Variants in CSMD1 observed in about 807,000 individuals in gnomAD.
The protein encoded by CSMD1 is CUB and Sushi multiple domains 1.
Under a neutral mutation model 417.5 loss-of-function variants are expected in CSMD1, and 213 were observed. The observed-to-expected ratio is 0.51, with a 90% CI of 0.46 to 0.57. The LOEUF (loss-of-function observed/expected upper bound fraction) is 0.57, where lower values mean the gene tolerates loss of function less well. Among genes scored for constraint, CSMD1 ranks in the 20% least tolerant of loss-of-function variants. CSMD1 has a pLI of 0.00. For missense variants in CSMD1, 6,923 were observed against 4,529.7 expected (o/e 1.53, Z -15.17); for synonymous variants, 2,862 against 1,736.8 (o/e 1.65, Z -16.11).
intron 49 of CSMD1, among the ~76,000 whole-genome samples, chr8:3,080,088 G>T (rs1813975701): frequency 6.6e-6 from 1 of 152,106 alleles, no homozygotes; most frequent in Non-Finnish European, 1.5e-5. Flanking sequence ...ATAAACAATA[G>T]ACAAACTCCA....
intron 1 of CSMD1, among the ~76,000 whole-genome samples, chr8:4,804,308 A>C (rs1798467888): frequency 6.6e-6 from 1 of 152,224 alleles, no homozygotes; most frequent in Non-Finnish European, 1.5e-5. Flanking sequence ...AGCAATTAAT[A>C]ATTGAAAAAC....
At chr8:3,568,565 C>A (rs1165151071) in intron 10 of CSMD1, among the ~76,000 whole-genome samples, 1 of 152,028 alleles carries the variant, frequency 6.6e-6, no homozygotes, top group South Asian at 2.1e-4. Flanking sequence ...AATTATGTCA[C>A]CACAGAATGT....
At chr8:4,129,429 G>A (rs1585378699) in intron 3 of CSMD1, among the ~76,000 whole-genome samples, 1 of 152,078 alleles carries the variant, frequency 6.6e-6, no homozygotes, top group Non-Finnish European at 1.5e-5. Context: ...TCCTCTTTTA[G>A]GTAGATGTAC....
chr8:4,200,414 A>T (rs1458283311), intron 3 of CSMD1, among the ~76,000 whole-genome samples: 2 of 152,218 alleles, frequency 1.3e-5, no homozygotes, highest in African/African-American at 4.8e-5. Context: ...TGAAAATTTG[A>T]TTTAAAAGAA....
intron 5 of CSMD1, among the ~76,000 whole-genome samples, chr8:3,762,955 C>T (rs1375213994): frequency 2.0e-5 from 3 of 152,172 alleles, no homozygotes; most frequent in African/African-American, 4.8e-5. Flanking sequence ...TGCTCATCCC[C>T]CAACTCTCTT....
intron 23 of CSMD1, among the ~76,000 whole-genome samples, chr8:3,337,163 C>A (rs888711120): frequency 2.0e-5 from 3 of 152,120 alleles, no homozygotes; most frequent in Admixed American, 2.0e-4. Flanking sequence ...CATGACTCTG[C>A]CACAAACCAA....
intron 49 of CSMD1, among the ~76,000 whole-genome samples, chr8:3,073,501 T>C (rs771085488): frequency 4.6e-5 from 7 of 152,132 alleles, no homozygotes; most frequent in South Asian, 2.1e-4. Flanking sequence ...CATGTATAAA[T>C]GAAGCAAAGC....
At chr8:4,614,762 A>T (rs1242572824) in intron 2 of CSMD1, among the ~76,000 whole-genome samples, 1 of 152,202 alleles carries the variant, frequency 6.6e-6, no homozygotes, top group African/African-American at 2.4e-5. Flanking sequence ...ACCTGAGATA[A>T]TAATTTAGAC....
At chr8:3,827,817 T>C (rs1174519552) in intron 5 of CSMD1, among the ~76,000 whole-genome samples, 1 of 152,194 alleles carries the variant, frequency 6.6e-6, no homozygotes, top group Non-Finnish European at 1.5e-5. Flanking sequence ...TATGACACTG[T>C]AAAAGTCGGT....
chr8:4,006,370 C>G (rs890328544), intron 4 of CSMD1, among the ~76,000 whole-genome samples: 19 of 152,120 alleles, frequency 1.2e-4, no homozygotes, highest in Non-Finnish European at 2.1e-4. Flanking sequence ...ATGGTGAAAC[C>G]CTGTCTCTAC....
At chr8:4,422,566 G>C (rs774449676) in intron 2 of CSMD1, among the ~76,000 whole-genome samples, 33 of 152,050 alleles carry the variant, frequency 2.2e-4, no homozygotes, top group Admixed American at 1.2e-3. Context: ...CAGGAAGAGA[G>C]CCCTCACCAG....
At chr8:3,283,043 T>C (rs1411904114) in intron 26 of CSMD1, among the ~76,000 whole-genome samples, 1 of 152,148 alleles carries the variant, frequency 6.6e-6, no homozygotes, top group East Asian at 1.9e-4. Flanking sequence ...TTCGGAAACC[T>C]TTCATCAAAA....
chr8:3,820,385 A>G (rs909198187), intron 5 of CSMD1, among the ~76,000 whole-genome samples: 1 of 152,178 alleles, frequency 6.6e-6, no homozygotes, highest in African/African-American at 2.4e-5. Flanking sequence ...AGTACCAAAG[A>G]AGGACTAAAA....
At chr8:4,881,274 C>T (rs899207056) in intron 1 of CSMD1, among the ~76,000 whole-genome samples, 4 of 152,088 alleles carry the variant, frequency 2.6e-5, no homozygotes, top group Admixed American at 6.6e-5. Context: ...GACTTCATTG[C>T]CAGACTGTGC....
intron 1 of CSMD1, among the ~76,000 whole-genome samples, chr8:4,899,285 CAT>C (rs1437977533): frequency 6.6e-6 from 1 of 152,050 alleles, no homozygotes; most frequent in African/African-American, 2.4e-5. Flanking sequence ...ATAAGCAAAA[CAT>C]AACATTATTG....
intron 2 of CSMD1, among the ~76,000 whole-genome samples, chr8:4,429,198 A>T (rs1797732152): frequency 6.6e-6 from 1 of 151,496 alleles, no homozygotes; most frequent in Non-Finnish European, 1.5e-5. Context: ...TTCTAAAAGG[A>T]TCATGCCTGC....
At chr8:4,912,799 G>C (rs1563747804) in intron 1 of CSMD1, among the ~76,000 whole-genome samples, 2 of 49,632 alleles carry the variant, frequency 4.0e-5, no homozygotes, top group Non-Finnish European at 7.8e-5. Context: ...TTTTTTTGGA[G>C]GGGGGGCACA....
chr8:4,417,837 T>C (rs1002812164), intron 3 of CSMD1, among the ~76,000 whole-genome samples: 26 of 152,040 alleles, frequency 1.7e-4, no homozygotes, highest in African/African-American at 6.3e-4. Context: ...TTTTATGCAC[T>C]CTTAATAAAT....
intron 48 of CSMD1, among the ~76,000 whole-genome samples, chr8:3,088,403 C>A (rs149969520): frequency 2.0e-5 from 3 of 152,272 alleles, no homozygotes; most frequent in African/African-American, 7.2e-5. Context: ...TTTAGATCTT[C>A]CACTTCCCTC....
Sources: allele counts gnomAD v4.1 joint callset (sites outside exome capture counted in the v4.1 genomes callset), GRCh38; gene constraint gnomAD v4.1.1; transcripts MANE v1.5; gene names NCBI Gene and HGNC (gene_info 2026-07-23, HGNC 2026-07-21).